DCDC2: variants seen among roughly 807,000 people sequenced by gnomAD.
DCDC2 encodes the protein doublecortin domain-containing protein 2.
A neutral mutation model predicts 50.2 loss-of-function variants in DCDC2; 40 were observed. That is an observed-to-expected ratio of 0.80 (90% CI 0.62 to 1.04). DCDC2 has a LOEUF of 1.04. DCDC2 is among the 50% of genes least tolerant of loss of function. The pLI, the probability that DCDC2 is intolerant of heterozygous loss-of-function variation, is 0.00. For missense variants in DCDC2, 570 were observed against 581.9 expected, an observed-to-expected ratio of 0.98 and a Z score of 0.21; for synonymous variants, 234 against 210.6, an observed-to-expected ratio of 1.11 and a Z score of -0.96.
At chr6:24,197,463 T>C (rs956751040) in intron 8 of DCDC2, among the ~76,000 whole-genome samples, 4 of 152,254 alleles carry the variant, frequency 2.6e-5, no homozygotes, top group Admixed American at 1.3e-4. Context: ...TGTATATACA[T>C]GATGATCACT....
intron 8 of DCDC2, among the ~76,000 whole-genome samples, chr6:24,196,820 A>G (rs902445302): frequency 2.0e-5 from 3 of 152,340 alleles, no homozygotes; most frequent in South Asian, 2.1e-4. Context: ...TACTTAATCA[A>G]TGGTAGCTAT....
intron 7 of DCDC2, among the ~76,000 whole-genome samples, chr6:24,268,781 A>G (rs1196529743): frequency 3.3e-5 from 5 of 152,148 alleles, no homozygotes; most frequent in African/African-American, 9.7e-5. Flanking sequence ...CATGCTGGCC[A>G]GGCTGGTCTT....
At chr6:24,229,063 T>A (rs915167680) in intron 7 of DCDC2, among the ~76,000 whole-genome samples, 2 of 152,242 alleles carry the variant, frequency 1.3e-5, no homozygotes, top group Non-Finnish European at 2.9e-5. Flanking sequence ...CCCCTTGCTC[T>A]TTCTGTATTG....
At position 24,354,377 on chromosome 6, in the gene DCDC2, T is replaced by C. The variant is rs529255333; in HGVS notation, c.294-754A>G. Among the ~76,000 whole-genome samples, 10 of 152,292 alleles carry C rather than the reference T, an allele frequency of 6.6e-5. No homozygotes were observed. The South Asian group carries it at 1.7e-3, about 25-fold the overall frequency. On this transcript the variant is annotated intron_variant, in intron 1 of 9. Transcript: ENST00000378454. Reference sequence around the variant, plus strand: ...AATATTAAAAAGTATAAATCTAACATATAATTTATAATGATAGATCAATCC... The same window carrying C: ...AATATTAAAAAGTATAAATCTAACACATAATTTATAATGATAGATCAATCC...
At position 24,174,711 on chromosome 6, in the gene DCDC2, C is replaced by A; in HGVS notation, c.*19G>T. 6.4e-7 allele frequency: 1 copy of A among 1,553,024 alleles called. No homozygotes were observed. The highest frequency in any genetic ancestry group is 8.9e-7 in the Non-Finnish European group (1 of 1,125,488). On this transcript the variant is annotated 3_prime_UTR_variant, in exon 10 of 10. Transcript: ENST00000378454. The stretch of plus-strand genomic sequence containing the variant: ...CTTCATTTTTCTTGCGATCCATATA[C>A]TCTCTTTTTAAAAATGTTCTAAGCC...
chr6:24,191,424 T>C (rs1281664875), intron 8 of DCDC2, among the ~76,000 whole-genome samples: 1 of 152,184 alleles, frequency 6.6e-6, no homozygotes, highest in Non-Finnish European at 1.5e-5. Flanking sequence ...AATCACATTA[T>C]ATTATGTATG....
intron 2 of DCDC2, among the ~76,000 whole-genome samples, chr6:24,327,997 A>G (rs1325279526): frequency 6.6e-6 from 1 of 152,200 alleles, no homozygotes; most frequent in African/African-American, 2.4e-5. Context: ...AATGAGATTC[A>G]CGCTATTCCA....
intron 7 of DCDC2, among the ~76,000 whole-genome samples, chr6:24,222,250 T>G (rs933921903): frequency 6.6e-6 from 1 of 152,194 alleles, no homozygotes. Flanking sequence ...TGAGTTTGAG[T>G]CTAGCGGGCG....
intron 2 of DCDC2, among the ~76,000 whole-genome samples, chr6:24,344,699 C>T (rs959236352): frequency 3.9e-5 from 6 of 152,326 alleles, no homozygotes; most frequent in Non-Finnish European, 5.9e-5. Context: ...TGTTCAAACA[C>T]ACATACACGC....
At chr6:24,360,335 G>T (rs939235864), upstream of DCDC2, among the ~76,000 whole-genome samples, 3 of 152,176 alleles carry the variant, frequency 2.0e-5, no homozygotes, top group African/African-American at 7.2e-5. Flanking sequence ...GTAAATGGAC[G>T]CCTGCTGTGT....
chr6:24,315,075 A>G (rs186344650), intron 2 of DCDC2, among the ~76,000 whole-genome samples: 4 of 152,236 alleles, frequency 2.6e-5, no homozygotes, highest in Non-Finnish European at 5.9e-5. Flanking sequence ...TATAATAGCT[A>G]TACCTCTCTG....
At chr6:24,298,585 C>T (rs1759308450) in intron 4 of DCDC2, among the ~76,000 whole-genome samples, 1 of 152,204 alleles carries the variant, frequency 6.6e-6, no homozygotes. Flanking sequence ...AATAGAAACA[C>T]TACCTACCTC....
At chr6:24,258,236 G>T (rs932836812) in intron 7 of DCDC2, among the ~76,000 whole-genome samples, 1 of 152,182 alleles carries the variant, frequency 6.6e-6, no homozygotes, top group African/African-American at 2.4e-5. Flanking sequence ...TCCACAGCGT[G>T]CAAGTGGACC....
chr6:24,343,633 C>T (rs1760201488), intron 2 of DCDC2, among the ~76,000 whole-genome samples: 2 of 152,136 alleles, frequency 1.3e-5, no homozygotes, highest in Non-Finnish European at 2.9e-5. Flanking sequence ...CTTGATATAC[C>T]TTGGCAGAAT....
At chr6:24,313,815 T>C in intron 2 of DCDC2, among the ~76,000 whole-genome samples, 1 of 152,232 alleles carries the variant, frequency 6.6e-6, no homozygotes, top group East Asian at 1.9e-4. Context: ...TATTAGTTTT[T>C]CACCCACAAT....
chr6:24,207,650 T>C (rs1003602958), intron 7 of DCDC2, among the ~76,000 whole-genome samples: 5 of 152,182 alleles, frequency 3.3e-5, no homozygotes, highest in Admixed American at 2.0e-4. Flanking sequence ...TCCACATTCA[T>C]ACCCTGTAGC....
chr6:24,266,591 G>A (rs1182858410), intron 7 of DCDC2, among the ~76,000 whole-genome samples: 1 of 152,150 alleles, frequency 6.6e-6, no homozygotes, highest in Non-Finnish European at 1.5e-5. Context: ...TTGATCATTA[G>A]AGAAAAGCAA....
chr6:24,328,455 T>C (rs1214171756), intron 2 of DCDC2, among the ~76,000 whole-genome samples: 1 of 152,218 alleles, frequency 6.6e-6, no homozygotes, highest in East Asian at 1.9e-4. Flanking sequence ...GGGGAGTTTG[T>C]ATAGTTTGAA....
At chr6:24,371,404 G>A in the DCDC2 span, among the ~76,000 whole-genome samples, 112 of 152,118 alleles carry the variant, frequency 7.4e-4, no homozygotes, top group East Asian at 0.021. Flanking sequence ...AGGAATTCAA[G>A]AGCAGCCTGG....
Sources: allele counts gnomAD v4.1 joint callset (sites outside exome capture counted in the v4.1 genomes callset), GRCh38; gene constraint gnomAD v4.1.1; transcripts MANE v1.5; gene names NCBI Gene and HGNC (gene_info 2026-07-23, HGNC 2026-07-21).